Variants in TXNDC16 observed in about 807,000 individuals in gnomAD.
The protein encoded by TXNDC16 is thioredoxin domain-containing protein 16.
Under a neutral mutation model 85.6 loss-of-function variants are expected in TXNDC16, and 74 were observed. The observed-to-expected ratio is 0.86, with a 90% confidence interval of 0.72 to 1.05. The LOEUF (loss-of-function observed/expected upper bound fraction) is 1.05. TXNDC16 is among the 50% of genes least tolerant of loss of function. TXNDC16 has a pLI of 0.00. For missense variants in TXNDC16, 959 were observed against 947.0 expected (o/e 1.01, Z -0.17); for synonymous variants, 335 against 326.5 (o/e 1.03, Z -0.28).
chr14:52,466,593 G>A lies in TXNDC16; in HGVS notation c.1618+3444C>T, dbSNP rs147411544. ...AAAAAATAAAGAAAAATGGCCAGGC[G>A]CGGTGGCTCATGCCTGTAATCCCAG... On this transcript the variant is annotated intron_variant, in intron 16 of 20. Coordinates refer to ENST00000281741, the MANE Select transcript of TXNDC16 (RefSeq NM_020784.3). Among the ~76,000 whole-genome samples the A allele has an allele frequency of 4.6e-5, 7 of 151,840 alleles. No individual in the cohort carries two copies. In the East Asian group the frequency reaches 1.2e-3, roughly 25 times the overall value.
At chr14:52,527,572 G>C (rs1387459143) in intron 6 of TXNDC16, among the ~76,000 whole-genome samples, 1 of 152,116 alleles carries the variant, frequency 6.6e-6, no homozygotes, top group East Asian at 1.9e-4. Context: ...AAGTGTGCCA[G>C]CTCCTATATA....
chr14:52,472,970 C>T (rs1031156702), intron 14 of TXNDC16, among the ~76,000 whole-genome samples: 20 of 152,148 alleles, frequency 1.3e-4, no homozygotes, highest in African/African-American at 4.6e-4. Context: ...AAGGAGCAGA[C>T]AAGATGGCCC....
Position 52,543,523 on chromosome 14 carries a change from A to T in TXNDC16, c.35T>A (p.Ile12Asn), listed in dbSNP as rs778693227. 4 of 1,613,384 alleles carry T rather than the reference A, an allele frequency of 2.5e-6. No homozygotes were observed. The highest frequency in any genetic ancestry group is 1.7e-5 in the Admixed American group (1 of 59,954). Residue 12 changes from isoleucine (I) to asparagine (N), a missense_variant, in exon 3 of 21, where the codon ATC becomes AAC. Ile to Asn is a moderately radical substitution (Grantham distance 149). Transcript: ENST00000281741. ...AAAAATGCACATTATGACAAAAGAG[A>T]TCCCAACTCTAAAGACATTGAAGCC... ...FSGFNVFRVG[I>N]SFVIMCIFYM...
intron 18 of TXNDC16, among the ~76,000 whole-genome samples, chr14:52,449,462 A>G (rs56990528): frequency 0.11 from 17,475 of 152,196 alleles, 1,327 homozygotes; most frequent in East Asian, 0.38. Flanking sequence ...AAATATTATT[A>G]GGGCCAAAGA....
chr14:52,467,285 GA>G (rs1030148800), intron 16 of TXNDC16, among the ~76,000 whole-genome samples: 1 of 151,854 alleles, frequency 6.6e-6, no homozygotes, highest in African/African-American at 2.4e-5. Context: ...TTAAAAAAGG[GA>G]AAAAAATCAC....
At chr14:52,536,532 T>A (rs1413813355) in intron 6 of TXNDC16, among the ~76,000 whole-genome samples, 187 bp downstream of exon 6, 1 of 152,214 alleles carries the variant, frequency 6.6e-6, no homozygotes, top group Non-Finnish European at 1.5e-5. Flanking sequence ...CATGCTTCTG[T>A]ATCCTTTGCC....
chr14:52,463,654 A>C (rs997181582), intron 16 of TXNDC16, among the ~76,000 whole-genome samples: 3 of 152,208 alleles, frequency 2.0e-5, no homozygotes, highest in Admixed American at 2.0e-4. Flanking sequence ...AAACTTGGTG[A>C]GTGGTATAAG....
intron 4 of TXNDC16, among the ~76,000 whole-genome samples, chr14:52,539,164 G>C (rs1370603487): frequency 1.3e-5 from 2 of 152,124 alleles, no homozygotes; most frequent in Non-Finnish European, 2.9e-5. Flanking sequence ...TTAATATGTA[G>C]TGTTAAGTCC....
chr14:52,442,333 G>C (rs932614545), intron 18 of TXNDC16, among the ~76,000 whole-genome samples: 4 of 152,136 alleles, frequency 2.6e-5, no homozygotes, highest in Non-Finnish European at 5.9e-5. Context: ...AGCCAACACA[G>C]AGACTAACTT....
At chr14:52,458,574 CAG>C (rs1216033210) in intron 16 of TXNDC16, among the ~76,000 whole-genome samples, 1 of 152,010 alleles carries the variant, frequency 6.6e-6, no homozygotes, top group Non-Finnish European at 1.5e-5. Flanking sequence ...AGACGAGAGA[CAG>C]AGAGAAAATT....
intron 18 of TXNDC16, 51 bp from the exon 19 acceptor site, chr14:52,440,775 T>C: frequency 6.5e-7 from 1 of 1,535,594 alleles, no homozygotes; most frequent in Non-Finnish European, 8.9e-7. Flanking sequence ...GGGATGATAA[T>C]GCATACCACA....
Position 52,432,494 on chromosome 14 carries a change from T to A in TXNDC16, c.2288A>T (p.Lys763Ile), listed in dbSNP as rs1217843376. The A allele has an allele frequency of 1.2e-6, 2 of 1,614,092 alleles. No individual in the cohort carries two copies. The highest frequency in any genetic ancestry group is 1.7e-6 in the Non-Finnish European group (2 of 1,179,978). The change falls in exon 21 of 21, where the codon AAA becomes ATA. Residue 763 changes from lysine (K) to isoleucine (I), a missense_variant. Physicochemically the swap from Lys to Ile is moderately radical, Grantham distance 102. Transcript: ENST00000281741. The stretch of plus-strand genomic sequence containing the variant: ...TGTTTCTTTCATACACTTGGGAACT[T>A]TCCTAGTGCCACGTTGAGATGTTGC... ...DAATSQRGTRKVPKCMKETDV... is the reference protein window; with the variant it reads ...DAATSQRGTRIVPKCMKETDV...
chr14:52,493,412 T>A (rs1423232928), intron 9 of TXNDC16, among the ~76,000 whole-genome samples: 2 of 151,722 alleles, frequency 1.3e-5, no homozygotes, highest in African/African-American at 4.8e-5. Context: ...ATACAGACTA[T>A]GTGGGAAGAA....
chr14:52,449,693 T>C (rs2035363741), intron 18 of TXNDC16, among the ~76,000 whole-genome samples: 1 of 152,132 alleles, frequency 6.6e-6, no homozygotes, highest in Non-Finnish European at 1.5e-5. Flanking sequence ...AGACTTTAGG[T>C]TAAGTCATAA....
intron 7 of TXNDC16, among the ~76,000 whole-genome samples, chr14:52,517,789 C>T (rs2037119348): frequency 6.6e-6 from 1 of 152,184 alleles, no homozygotes; most frequent in African/African-American, 2.4e-5. Flanking sequence ...AAAAATTATT[C>T]TCCTAACTCC....
At position 52,455,324 on chromosome 14, in the gene TXNDC16, A is replaced by T. The variant is rs2035506809; in HGVS notation, c.1842T>A (p.Phe614Leu). The change falls in exon 18 of 21, where the codon TTT becomes TTA. Residue 614 changes from phenylalanine to leucine, a missense_variant and splice_region_variant. Phe to Leu is a conservative substitution (Grantham distance 22, BLOSUM62 0). Transcript: ENST00000281741. ...QIITDALLEM[F>L]PEITVENLPS... ...CACCCTTATTATAAAACATACTCAC[A>T]AACATTTCCAGTAGTGCATCTGTTA... 4 of 1,613,492 alleles carry T rather than the reference A, an allele frequency of 2.5e-6. No individual in the cohort carries two copies. Among genetic ancestry groups the T allele is most frequent in the Non-Finnish European group, 3.4e-6 (4 of 1,179,678 alleles).
At chr14:52,552,009 G>A (rs930942553) in intron 1 of TXNDC16, among the ~76,000 whole-genome samples, 2 of 152,160 alleles carry the variant, frequency 1.3e-5, no homozygotes, top group Non-Finnish European at 2.9e-5. Context: ...TCTTCCTTAA[G>A]AGACATTTCC....
At chr14:52,448,741 T>C (rs2035340616) in intron 18 of TXNDC16, among the ~76,000 whole-genome samples, 2 of 151,994 alleles carry the variant, frequency 1.3e-5, no homozygotes, top group Non-Finnish European at 2.9e-5. Context: ...AAGACACAGA[T>C]GGTACAATAA....
chr14:52,536,854 C>T, intron 5 of TXNDC16, 61 bp from the exon 6 acceptor site: 1 of 1,371,154 alleles, frequency 7.3e-7, no homozygotes, highest in Non-Finnish European at 1.0e-6. Context: ...CCTTAGAATT[C>T]AATTTACTTG....
Sources: gnomAD v4.1 joint callset for allele counts (sites outside exome capture counted in the v4.1 genomes callset) on GRCh38, gnomAD v4.1.1 for gene constraint, MANE v1.5 for transcripts, NCBI Gene and HGNC (gene_info 2026-07-23, HGNC 2026-07-21) for gene names.